The following PLCL2 variants were observed in gnomAD, a reference collection of about 807,000 sequenced individuals.
PLCL2 encodes the protein inactive phospholipase C-like protein 2.
Under a neutral mutation model 79.6 loss-of-function variants are expected in PLCL2, and 4 were observed. That is an observed-to-expected ratio of 0.05 (90% confidence interval 0.02 to 0.11). The LOEUF (loss-of-function observed/expected upper bound fraction) is 0.11, where lower values mean the gene tolerates loss of function less well. PLCL2 is among the 10% of genes least tolerant of loss of function. PLCL2 has a pLI of 1.00. For synonymous variants in PLCL2, 484 were observed against 457.7 expected, an observed-to-expected ratio of 1.06 and a Z score of -0.73; for missense variants, 895 against 1,291.0, an observed-to-expected ratio of 0.69 and a Z score of 4.70.
chr3:16,937,079 A>C (rs1697558204), intron 1 of PLCL2, among the ~76,000 whole-genome samples: 1 of 152,164 alleles, frequency 6.6e-6, no homozygotes, highest in Admixed American at 6.5e-5. Flanking sequence ...CAGCCATGAC[A>C]ATAAAAAAGT....
chr3:16,946,927 A>T (rs2124955533), intron 1 of PLCL2, among the ~76,000 whole-genome samples: 1 of 150,434 alleles, frequency 6.6e-6, no homozygotes, highest in Admixed American at 6.6e-5. Flanking sequence ...AGAGTAAATG[A>T]ATGAATATAA....
chr3:16,940,227 A>G (rs1388318139), intron 1 of PLCL2, among the ~76,000 whole-genome samples: 1 of 152,144 alleles, frequency 6.6e-6, no homozygotes, highest in East Asian at 1.9e-4. Context: ...CTCTTCTTCA[A>G]AAAACTTTCA....
chr3:17,082,793 C>T (rs953979022), intron 5 of PLCL2, among the ~76,000 whole-genome samples: 3 of 151,516 alleles, frequency 2.0e-5, no homozygotes, highest in South Asian at 2.1e-4. Flanking sequence ...CATAACTTTT[C>T]GTGAAGAAAA....
intron 1 of PLCL2, among the ~76,000 whole-genome samples, chr3:16,910,601 C>T (rs934816291): frequency 2.6e-4 from 39 of 152,240 alleles, no homozygotes; most frequent in Admixed American, 6.5e-5. Flanking sequence ...CTGATATTCT[C>T]ATCCCGTCTT....
chr3:17,080,600 G>A (rs1010675837), intron 5 of PLCL2, among the ~76,000 whole-genome samples: 51 of 152,040 alleles, frequency 3.4e-4, no homozygotes, highest in African/African-American at 1.1e-3. Context: ...ACAGTCGCCC[G>A]CCACCATGCC....
intron 1 of PLCL2, among the ~76,000 whole-genome samples, chr3:16,912,229 A>T (rs1411982986): frequency 6.6e-6 from 1 of 151,182 alleles, no homozygotes; most frequent in Non-Finnish European, 1.5e-5. Context: ...GAAATACTTC[A>T]CGTCAGTTTT....
intron 1 of PLCL2, among the ~76,000 whole-genome samples, chr3:16,958,395 T>G (rs1270716640): frequency 1.3e-5 from 2 of 152,242 alleles, no homozygotes; most frequent in Non-Finnish European, 2.9e-5. Flanking sequence ...TTATTTCTGG[T>G]ATCTGAAAAT....
intron 3 of PLCL2, among the ~76,000 whole-genome samples, chr3:17,037,197 T>G (rs1421727280): frequency 6.6e-6 from 1 of 152,182 alleles, no homozygotes; most frequent in Non-Finnish European, 1.5e-5. Context: ...CCTGCTTTGG[T>G]CCAGTCCTCC....
At chr3:16,964,206 TTCCCCTTCCTGTGTC>T (rs2063782985) in intron 1 of PLCL2, among the ~76,000 whole-genome samples, 1 of 130,146 alleles carries the variant, frequency 7.7e-6, no homozygotes, top group Non-Finnish European at 1.6e-5. Context: ...CAGTGTCATG[TTCCCCTTCCTGTGTC>T]TAAGTGTTCT....
chr3:17,022,433 G>A (rs2064465664), intron 3 of PLCL2, among the ~76,000 whole-genome samples: 1 of 151,990 alleles, frequency 6.6e-6, no homozygotes. Context: ...TTTCTGCAGT[G>A]GCTGAAGGTG....
intron 1 of PLCL2, among the ~76,000 whole-genome samples, chr3:16,982,512 G>GTTT (rs2064009943): frequency 6.6e-6 from 1 of 152,222 alleles, no homozygotes; most frequent in Non-Finnish European, 1.5e-5. Flanking sequence ...ACACTTCTGT[G>GTTT]TAAAGTACTC....
chr3:16,917,820 C>T (rs989438924), intron 1 of PLCL2, among the ~76,000 whole-genome samples: 6 of 152,150 alleles, frequency 3.9e-5, no homozygotes, highest in African/African-American at 1.2e-4. Flanking sequence ...TGAGACCCCA[C>T]TCCTTGGTGG....
chr3:16,965,164 A>C (rs1307319111), intron 1 of PLCL2, among the ~76,000 whole-genome samples: 1 of 152,226 alleles, frequency 6.6e-6, no homozygotes, highest in African/African-American at 2.4e-5. Context: ...TCTAACATTT[A>C]AGTCTTTAAT....
At chr3:16,895,763 AG>A (rs777025023) in intron 1 of PLCL2, among the ~76,000 whole-genome samples, 5 of 152,258 alleles carry the variant, frequency 3.3e-5, no homozygotes, top group Admixed American at 6.5e-5. Flanking sequence ...TATGAGGAAA[AG>A]GAAGAAAGAA....
At chr3:17,052,881 C>A (rs11128816) in intron 4 of PLCL2, among the ~76,000 whole-genome samples, 123,258 of 152,184 alleles carry the variant, frequency 0.81, 50,063 homozygotes, top group African/African-American at 0.84. Flanking sequence ...TAATACATAT[C>A]ATATACAAAA....
chr3:17,032,984 G>A (rs1559526245), intron 3 of PLCL2, among the ~76,000 whole-genome samples: 1 of 152,062 alleles, frequency 6.6e-6, no homozygotes, highest in Non-Finnish European at 1.5e-5. Context: ...TGTTAGAGGA[G>A]GCTTTTTATA....
chr3:16,903,446 C>T (rs1440536662), intron 1 of PLCL2, among the ~76,000 whole-genome samples: 2 of 152,116 alleles, frequency 1.3e-5, no homozygotes, highest in East Asian at 3.9e-4. Context: ...GCCTGTCCTG[C>T]CATGTGGTCA....
chr3:16,885,079 C>T lies in PLCL2; in HGVS notation c.40C>T (p.Leu14=), dbSNP rs1303979924. ...CCGGGGGGGCGCCGCCGGCGGGGCC[C>T]TGCCCACCTCCCCGGGCCCGGCCCT... The part of the protein sequence containing the change: ...CGRGGAAGGA[L]PTSPGPALGA... Residue 14 remains leucine (L), a synonymous_variant, in exon 1 of 6, where the codon CTG becomes TTG. Coordinates refer to ENST00000615277, the MANE Select transcript of PLCL2 (RefSeq NM_001144382.2). 4 of 402,584 alleles carry T rather than the reference C, an allele frequency of 9.9e-6. No homozygotes were observed. Among genetic ancestry groups the T allele is most frequent in the South Asian group, 1.7e-4 (2 of 12,046 alleles). The allele number at this position is 402,584 out of a possible 1,614,324, so 24.9% of individuals were successfully genotyped here.
chr3:16,951,434 G>A (rs1239445603), intron 1 of PLCL2, among the ~76,000 whole-genome samples: 1 of 151,750 alleles, frequency 6.6e-6, no homozygotes, highest in African/African-American at 2.4e-5. Flanking sequence ...CCAAATATTT[G>A]ACTGGCTTAG....
Sources: allele counts gnomAD v4.1 joint callset (sites outside exome capture counted in the v4.1 genomes callset), GRCh38; gene constraint gnomAD v4.1.1; transcripts MANE v1.5; gene names NCBI Gene and HGNC (gene_info 2026-07-23, HGNC 2026-07-21).